CCDC91: variants seen among roughly 807,000 people sequenced by gnomAD.
CCDC91 encodes coiled-coil domain containing 91, also known as coiled-coil domain-containing protein 91.
Under a neutral mutation model 63.2 loss-of-function variants are expected in CCDC91, and 48 were observed. The ratio of observed to expected loss-of-function variants is 0.76; its 90% CI spans 0.60 to 0.97. The LOEUF is 0.97. CCDC91 is among the 50% of genes least tolerant of loss of function. The pLI is 0.00. For missense variants in CCDC91, 500 were observed against 494.6 expected, an observed-to-expected ratio of 1.01 and a Z score of -0.10; for synonymous variants, 167 against 165.8, an observed-to-expected ratio of 1.01 and a Z score of -0.06.
At chr12:28,205,327 A>G (rs1327567172) in intron 1 of CCDC91, among the ~76,000 whole-genome samples, 1 of 152,038 alleles carries the variant, frequency 6.6e-6, no homozygotes, top group African/African-American at 2.4e-5. Flanking sequence ...AGATACTGGT[A>G]CTCAATTACA....
intron 3 of CCDC91, among the ~76,000 whole-genome samples, chr12:28,294,710 G>A (rs1390345284): frequency 6.6e-6 from 1 of 151,852 alleles, no homozygotes; most frequent in African/African-American, 2.4e-5. Context: ...TCAGCTTCCC[G>A]AGTAGCTGGG....
chr12:28,314,582 A>AT (rs1200236891), intron 6 of CCDC91, among the ~76,000 whole-genome samples: 8 of 151,942 alleles, frequency 5.3e-5, no homozygotes, highest in Admixed American at 5.3e-4. Context: ...GCTGAAGGAA[A>AT]TATTAGTACA....
Position 28,549,144 on chromosome 12 carries a change from A to G in CCDC91, c.1297A>G (p.Ile433Val), listed in dbSNP as rs770706852. 1 of 1,610,596 alleles carries G rather than the reference A, an allele frequency of 6.2e-7. No individual in the cohort carries two copies. The highest frequency in any genetic ancestry group is 1.1e-5 in the South Asian group (1 of 91,010). ...SCAQKQLSAL[I>V]ATEPVDIE ...TGCACAGAAACAGTTAAGTGCTTTA[A>G]TAGCTACGGAACCAGTTGACATTGA... Residue 433 changes from isoleucine (I) to valine (V), a missense_variant, in exon 13 of 13, where the codon ATA becomes GTA. Physicochemically the swap from Ile to Val is conservative, Grantham distance 29. Coordinates refer to ENST00000536442, the MANE Select transcript of CCDC91 (RefSeq NM_018318.5).
intron 12 of CCDC91, among the ~76,000 whole-genome samples, chr12:28,516,697 G>T (rs1315394469): frequency 6.6e-6 from 1 of 151,890 alleles, no homozygotes; most frequent in Non-Finnish European, 1.5e-5. Context: ...ATTTGGTGAA[G>T]GCCTTCTTGC....
intron 7 of CCDC91, among the ~76,000 whole-genome samples, chr12:28,385,654 A>G (rs1945553098): frequency 6.6e-6 from 1 of 152,236 alleles, no homozygotes; most frequent in Admixed American, 6.5e-5. Flanking sequence ...TTTTATGGTC[A>G]CATAATCAGT....
At chr12:28,442,840 ATGTTTGTT>A (rs140976492) in intron 8 of CCDC91, among the ~76,000 whole-genome samples, 5 of 151,974 alleles carry the variant, frequency 3.3e-5, no homozygotes, top group Non-Finnish European at 7.4e-5. Flanking sequence ...ATGTCAAAGT[ATGTTTGTT>A]TGTTTGTTTG....
intron 6 of CCDC91, among the ~76,000 whole-genome samples, chr12:28,326,406 T>C (rs1003045958): frequency 2.6e-5 from 4 of 151,618 alleles, no homozygotes; most frequent in Non-Finnish European, 5.9e-5. Context: ...TTTTTAAATT[T>C]ATTATTATTA....
chr12:28,455,976 G>A (rs778840309), intron 11 of CCDC91, among the ~76,000 whole-genome samples: 13 of 152,178 alleles, frequency 8.5e-5, no homozygotes, highest in Middle Eastern at 3.4e-3. Context: ...AATTCAGGCA[G>A]TTTAACTCCT....
At position 28,406,292 on chromosome 12, in the gene CCDC91, A is replaced by C. The variant is rs954043160; in HGVS notation, c.762+14881A>C. On this transcript the variant is annotated intron_variant, in intron 8 of 12. Coordinates refer to ENST00000536442, the MANE Select transcript of CCDC91 (RefSeq NM_018318.5). ...GTTCTTCCAATAAAAAAAAAAAAAAAATCCCTCAATTTTTGAGAAAGTCGT... is the reference window on the plus strand; with the variant it reads ...GTTCTTCCAATAAAAAAAAAAAAAACATCCCTCAATTTTTGAGAAAGTCGT... Among the ~76,000 whole-genome samples, 1,343 of 151,962 alleles carry C rather than the reference A, an allele frequency of 8.8e-3. 25 individuals are homozygous for C. Among genetic ancestry groups the C allele is most frequent in the African/African-American group, 0.031 (1,276 of 41,404 alleles).
chr12:28,341,320 C>T (rs972983796), intron 6 of CCDC91, among the ~76,000 whole-genome samples: 3 of 152,166 alleles, frequency 2.0e-5, no homozygotes, highest in Non-Finnish European at 4.4e-5. Context: ...CACCTAGGCC[C>T]ATGGGCACAG....
intron 3 of CCDC91, among the ~76,000 whole-genome samples, chr12:28,275,060 C>G (rs1236702288): frequency 1.3e-5 from 2 of 152,012 alleles, no homozygotes; most frequent in Non-Finnish European, 2.9e-5. Context: ...ATTAAAAGAT[C>G]TAGAGAAGCA....
intron 3 of CCDC91, among the ~76,000 whole-genome samples, chr12:28,287,287 C>T (rs1948971317): frequency 6.6e-6 from 1 of 152,232 alleles, no homozygotes; most frequent in East Asian, 1.9e-4. Flanking sequence ...TTGCCTGTTC[C>T]TGTGTCCAGA....
At chr12:28,508,795 G>A (rs566329669) in intron 12 of CCDC91, among the ~76,000 whole-genome samples, 1 of 152,028 alleles carries the variant, frequency 6.6e-6, no homozygotes, top group Admixed American at 6.6e-5. Flanking sequence ...TATTAAGAAT[G>A]GCGATAAGTA....
intron 8 of CCDC91, among the ~76,000 whole-genome samples, chr12:28,396,572 T>G (rs1186044671): frequency 6.6e-6 from 1 of 151,722 alleles, no homozygotes; most frequent in African/African-American, 2.4e-5. Flanking sequence ...TTGAGTGATA[T>G]TAAGGGAAGA....
chr12:28,319,886 G>C (rs1222943740), intron 6 of CCDC91, among the ~76,000 whole-genome samples: 1 of 151,668 alleles, frequency 6.6e-6, no homozygotes, highest in Non-Finnish European at 1.5e-5. Context: ...TTTACCCCCA[G>C]CTGGTTAAAT....
chr12:28,192,045 A>G (rs1367586240), intron 1 of CCDC91, among the ~76,000 whole-genome samples: 1 of 152,220 alleles, frequency 6.6e-6, no homozygotes, highest in Non-Finnish European at 1.5e-5. Flanking sequence ...TAAATGGAAA[A>G]ATGTAGCTTC....
At chr12:28,214,658 A>G (rs1270451221) in intron 1 of CCDC91, among the ~76,000 whole-genome samples, 1 of 152,146 alleles carries the variant, frequency 6.6e-6, no homozygotes, top group African/African-American at 2.4e-5. Flanking sequence ...GACTATATAT[A>G]ATAGTATTTA....
intron 3 of CCDC91, among the ~76,000 whole-genome samples, chr12:28,301,910 T>G (rs555776847): frequency 6.6e-6 from 1 of 151,804 alleles, no homozygotes; most frequent in Admixed American, 6.6e-5. Flanking sequence ...TCATTTAATT[T>G]TGTATATTTG....
chr12:28,543,939 G>C (rs1942808757), intron 12 of CCDC91, among the ~76,000 whole-genome samples: 1 of 151,912 alleles, frequency 6.6e-6, no homozygotes, highest in Non-Finnish European at 1.5e-5. Flanking sequence ...AACCTGAACT[G>C]TTCTTAAGCC....
Sources: allele counts gnomAD v4.1 joint callset (sites outside exome capture counted in the v4.1 genomes callset), GRCh38; gene constraint gnomAD v4.1.1; transcripts MANE v1.5; gene names NCBI Gene and HGNC (gene_info 2026-07-23, HGNC 2026-07-21).